Variants in TMPRSS11B observed in about 807,000 individuals in gnomAD.
The protein encoded by TMPRSS11B is transmembrane protease serine 11B.
A neutral mutation model predicts 44.7 loss-of-function variants in TMPRSS11B; 53 were observed. That is an observed-to-expected ratio of 1.19 (90% confidence interval 0.95 to 1.49). The LOEUF is 1.49. TMPRSS11B is among the 40% of genes most tolerant of loss of function. The probability of loss-of-function intolerance (pLI) is 0.00; values close to 1 mark genes in which losing one functional copy is unlikely to be tolerated. For synonymous variants in TMPRSS11B, 140 were observed against 159.2 expected, an observed-to-expected ratio of 0.88 and a Z score of 0.91; for missense variants, 526 against 494.8, an observed-to-expected ratio of 1.06 and a Z score of -0.60.
rs763757220 is a variant in TMPRSS11B at position 68,236,167 on chromosome 4, T to C, written c.224A>G (p.Lys75Arg). 1 of 1,608,834 alleles carries C rather than the reference T, an allele frequency of 6.2e-7. No homozygotes were observed. The stretch of plus-strand genomic sequence containing the variant: ...CTGATTTACCTTAGTCTCAATATCT[T>C]TGCTTAGATTTGTGCTGGCTTGTGA... Reference protein sequence around the residue: ...AASQASTNLSKDIETKMLNAF... With the variant: ...AASQASTNLSRDIETKMLNAF... The change falls in exon 3 of 10, where the codon AAA becomes AGA. Residue 75 changes from lysine (K) to arginine (R), a missense_variant. Physicochemically the swap from Lys to Arg is conservative, Grantham distance 26. Coordinates refer to ENST00000332644, the MANE Select transcript of TMPRSS11B (RefSeq NM_182502.3).
At chr4:68,235,761 A>G (rs770499947) in intron 4 of TMPRSS11B, among the ~76,000 whole-genome samples, 21 of 152,324 alleles carry the variant, frequency 1.4e-4, no homozygotes, top group Non-Finnish European at 2.9e-4. Flanking sequence ...AGATTTGTAT[A>G]TAATGACTCT....
rs755195519 is a variant in TMPRSS11B, at chr4:68,245,586, G to C, written c.-28C>G. 6.2e-7 allele frequency: 1 copy of C among 1,612,162 alleles called. No individual in the cohort carries two copies. Among genetic ancestry groups the C allele is most frequent in the Admixed American group, 1.7e-5 (1 of 59,926 alleles). The stretch of plus-strand genomic sequence containing the variant: ...TGTTCTGATTGTTATGGCAGTATCA[G>C]GTATAACGGTGGTAATGATGATGAC... On this transcript the variant is annotated 5_prime_UTR_variant, in exon 1 of 10. Transcript: ENST00000332644.
chr4:68,241,006 G>T (rs1719806531), intron 2 of TMPRSS11B, among the ~76,000 whole-genome samples: 1 of 151,994 alleles, frequency 6.6e-6, no homozygotes, highest in Admixed American at 6.6e-5. Context: ...ACTTTTCTGA[G>T]CCCCAGTGTA....
intron 2 of TMPRSS11B, among the ~76,000 whole-genome samples, 167 bp from the exon 3 acceptor site, chr4:68,236,433 C>T (rs1719669829): frequency 6.6e-6 from 1 of 151,980 alleles, no homozygotes; most frequent in Non-Finnish European, 1.5e-5. Flanking sequence ...TCTGCCTCAA[C>T]ATTTATACCT....
In TMPRSS11B at chr4:68,232,389, A is replaced by G. The variant is rs151183346; in HGVS notation, c.497T>C (p.Leu166Pro). 8.7e-5 allele frequency: 141 copies of G among 1,612,608 alleles called. No individual in the cohort carries two copies. The African/African-American group carries it at 1.8e-3, about 20-fold the overall frequency. Reference protein sequence around the residue: ...MEISKAASEMLTNNCCGRQVA... With the variant: ...MEISKAASEMPTNNCCGRQVA... ...GGTCCTTAACTTACAGTTGTTGGTAAGCATTTCAGAAGCAGCCTTGCTGAT... is the reference window on the plus strand; with the variant it reads ...GGTCCTTAACTTACAGTTGTTGGTAGGCATTTCAGAAGCAGCCTTGCTGAT... Residue 166 changes from leucine to proline, a missense_variant, in exon 6 of 10, where the codon CTT (leucine) becomes CCT (proline). Physicochemically the swap from Leu to Pro is moderately conservative, Grantham distance 98 (BLOSUM62 -3). Transcript: ENST00000332644.
At chr4:68,237,438 A>T (rs1449731883) in intron 2 of TMPRSS11B, among the ~76,000 whole-genome samples, 1 of 152,126 alleles carries the variant, frequency 6.6e-6, no homozygotes, top group Non-Finnish European at 1.5e-5. Context: ...ATAATGATTT[A>T]TCATCCTTTG....
chr4:68,231,345 C>G lies in TMPRSS11B; in HGVS notation c.544G>C (p.Gly182Arg). ...CTTTTTCCATTCACAATTTTGTTGC[C>G]AGTTATGATACTGTTGGCTACTTGT... ...GRQVANSIITGNKIVNGKSSL... is the reference protein window; with the variant it reads ...GRQVANSIITRNKIVNGKSSL... The change falls in exon 7 of 10, where the codon GGC becomes CGC. Residue 182 changes from glycine (G) to arginine (R), a missense_variant. Gly to Arg is a moderately radical substitution (Grantham distance 125). Coordinates refer to ENST00000332644, the MANE Select transcript of TMPRSS11B (RefSeq NM_182502.3). 6.2e-7 allele frequency: 1 copy of G among 1,613,800 alleles called. No individual in the cohort carries two copies. The highest frequency in any genetic ancestry group is 2.2e-5 in the East Asian group (1 of 44,858).
chr4:68,241,653 T>C lies in TMPRSS11B; in HGVS notation c.124+36A>G, dbSNP rs374246975. 2.0e-4 allele frequency: 260 copies of C among 1,294,536 alleles called. 1 individual carries two copies. In the Middle Eastern group the frequency reaches 2.1e-3, roughly 10 times the overall value. 80.2% of individuals were successfully genotyped at this position (1,294,536 alleles called of 1,614,324 possible). A position where few individuals can be genotyped will look rare whatever the true frequency, so the allele number is the denominator to read the frequency against. On this transcript the variant is annotated intron_variant, in intron 2 of 9. Transcript: ENST00000332644. ...TCAATTTTTAAAATTTAAAGATTTA[T>C]AGCAAGGATGAAAACTGAAAATAAT... is the stretch of plus-strand genomic sequence containing the variant.
At chr4:68,240,820 CTGAGTCA>C (rs1188606533) in intron 2 of TMPRSS11B, among the ~76,000 whole-genome samples, 2 of 151,966 alleles carry the variant, frequency 1.3e-5, no homozygotes, top group Non-Finnish European at 2.9e-5. Flanking sequence ...GTAATTTTTG[CTGAGTCA>C]GCCAAAATTT....
At chr4:68,242,245 TATATATATTATA>T (rs1719855372) in intron 1 of TMPRSS11B, among the ~76,000 whole-genome samples, 2 of 81,604 alleles carry the variant, frequency 2.5e-5, no homozygotes, top group South Asian at 2.7e-4. Context: ...TATATTATAT[TATATATATTATA>T]ATATATATAA....
At chr4:68,234,416 C>A in intron 5 of TMPRSS11B, 47 bp downstream of exon 5, 2 of 1,545,840 alleles carry the variant, frequency 1.3e-6, no homozygotes, top group African/African-American at 1.5e-5. Flanking sequence ...AAAAAATAAT[C>A]CAGAAAAAAC....
intron 1 of TMPRSS11B, among the ~76,000 whole-genome samples, chr4:68,244,193 A>G (rs1410170999): frequency 6.6e-6 from 1 of 152,228 alleles, no homozygotes; most frequent in Non-Finnish European, 1.5e-5. Flanking sequence ...TTCTAAAGGT[A>G]GCATTTGCAT....
In TMPRSS11B at chr4:68,233,180, T is replaced by G. The variant is rs185462440; in HGVS notation, c.470-764A>C. On this transcript the variant is annotated intron_variant, in intron 5 of 9. Coordinates refer to ENST00000332644, the MANE Select transcript of TMPRSS11B (RefSeq NM_182502.3). ...AGAAAGAGAGTAAACAACGTATCCC[T>G]CTTTCCCAAAAGCTACTCACAGAAA... 5.1e-3 allele frequency among the ~76,000 whole-genome samples: 770 copies of G among 152,046 alleles called. 3 individuals carry two copies. Among genetic ancestry groups the G allele is most frequent in the Non-Finnish European group, 7.1e-3 (483 of 67,970 alleles).
At position 68,227,970 on chromosome 4, in the gene TMPRSS11B, C is replaced by T. The variant is rs756958269; in HGVS notation, c.1192G>A (p.Gly398Ser). ...GDGCGKKNKP[G>S]VYTRVTSYRN... is the part of the protein sequence containing the mutation. Reference sequence around the variant, plus strand: ...TAAGAAGTCACTCGAGTATAGACACCTGGCTTATTCTTTTTACCACATCCA... The same window carrying T: ...TAAGAAGTCACTCGAGTATAGACACTTGGCTTATTCTTTTTACCACATCCA... Residue 398 changes from glycine to serine, a missense_variant, in exon 10 of 10, where the codon GGT becomes AGT. Transcript: ENST00000332644. 1.2e-5 allele frequency: 19 copies of T among 1,613,492 alleles called. No individual in the cohort carries two copies. The Admixed American group carries it at 3.2e-4, about 27-fold the overall frequency.
chr4:68,231,054 T>G lies in TMPRSS11B; in HGVS notation c.686+149A>C, dbSNP rs1013287964. 24 of 614,984 alleles carry G rather than the reference T, an allele frequency of 3.9e-5. No homozygotes were observed. In the African/African-American group the frequency reaches 4.2e-4, roughly 11 times the overall value. The allele number at this position is 614,984 out of a possible 1,614,324, so 38.1% of individuals were successfully genotyped here. A position where few individuals can be genotyped will look rare whatever the true frequency, so the allele number is the denominator to read the frequency against. On this transcript the variant is annotated intron_variant, in intron 7 of 9. Coordinates refer to ENST00000332644, the MANE Select transcript of TMPRSS11B (RefSeq NM_182502.3). ...TTTAAATGCATTTCCTTTCCTGCTC[T>G]TTAATTACGCAGGTGATTGTAAATG...
chr4:68,234,437 G>T, intron 5 of TMPRSS11B, 26 bp downstream of exon 5: 1 of 1,593,760 alleles, frequency 6.3e-7, no homozygotes, highest in Non-Finnish European at 8.5e-7. Flanking sequence ...CTATGTAATA[G>T]AAAATAATGG....
chr4:68,245,192 T>C (rs1274515222), intron 1 of TMPRSS11B, among the ~76,000 whole-genome samples: 1 of 152,170 alleles, frequency 6.6e-6, no homozygotes, highest in East Asian at 1.9e-4. Flanking sequence ...GAAAACCTTT[T>C]AATATTAGAA....
At chr4:68,239,130 GACTGTA>G (rs1719750406) in intron 2 of TMPRSS11B, among the ~76,000 whole-genome samples, 1 of 152,222 alleles carries the variant, frequency 6.6e-6, no homozygotes, top group Non-Finnish European at 1.5e-5. Context: ...ACACCAATGT[GACTGTA>G]TTTGGAGACA....
At chr4:68,239,257 C>A (rs1053546941) in intron 2 of TMPRSS11B, among the ~76,000 whole-genome samples, 3 of 144,042 alleles carry the variant, frequency 2.1e-5, no homozygotes, top group Non-Finnish European at 3.0e-5. Flanking sequence ...CTTGCGCGCT[C>A]TCTCTCGCGC....
Sources: gnomAD v4.1 joint callset for allele counts (sites outside exome capture counted in the v4.1 genomes callset) on GRCh38, gnomAD v4.1.1 for gene constraint, MANE v1.5 for transcripts, NCBI Gene and HGNC (gene_info 2026-07-23, HGNC 2026-07-21) for gene names.